The following TSPEAR variants were observed in gnomAD, a reference collection of about 807,000 sequenced individuals.
TSPEAR encodes the protein thrombospondin type laminin G domain and EAR repeats.
In TSPEAR, 69 loss-of-function variants were observed where a neutral mutation model predicts 71.6. The ratio of observed to expected loss-of-function variants is 0.96; its 90% CI spans 0.79 to 1.18. The LOEUF is 1.18. TSPEAR is among the 50% of genes most tolerant of loss of function. The pLI, the probability that TSPEAR is intolerant of heterozygous loss-of-function variation, is 0.00. For synonymous variants in TSPEAR, 402 were observed against 387.2 expected (o/e 1.04, Z -0.45); for missense variants, 971 against 894.9 (o/e 1.09, Z -1.09).
At chr21:44,528,062 AGGCATTGTCTTCCCAT>A (rs1331108933) in intron 6 of TSPEAR, among the ~76,000 whole-genome samples, 1 of 152,160 alleles carries the variant, frequency 6.6e-6, no homozygotes, top group Non-Finnish European at 1.5e-5. Context: ...GCAGGGAGGC[AGGCATTGTCTTCCCAT>A]GGTTTGGGAA....
intron 4 of TSPEAR, 67 bp from the exon 5 acceptor site, chr21:44,530,021 A>G: frequency 2.7e-6 from 4 of 1,457,132 alleles, no homozygotes; most frequent in South Asian, 1.4e-5. Flanking sequence ...GGAGGCGACC[A>G]CTGAGCTTGG....
chr21:44,508,848 C>T (rs1457087533), intron 10 of TSPEAR: 4 of 1,402,650 alleles, frequency 2.9e-6, no homozygotes, highest in South Asian at 2.3e-5. Flanking sequence ...GCACCTCGCA[C>T]CTGTCCCTCT....
chr21:44,605,083 A>G (rs955662778), intron 1 of TSPEAR, among the ~76,000 whole-genome samples: 3 of 152,238 alleles, frequency 2.0e-5, no homozygotes, highest in East Asian at 1.9e-4. Context: ...TCTTCAAACT[A>G]TTAGGACTGA....
chr21:44,499,939 G>A lies in TSPEAR; in HGVS notation c.1857-3C>T. On this transcript the variant is annotated splice_polypyrimidine_tract_variant and splice_region_variant and intron_variant, in intron 11 of 11. Transcript: ENST00000323084. Reference sequence around the variant, plus strand: ...CGAAGCCCTCGTAGCCCTGCCACCTGCGGAACAGACAGCGGCAGCCGGGTC... The same window carrying A: ...CGAAGCCCTCGTAGCCCTGCCACCTACGGAACAGACAGCGGCAGCCGGGTC... 3 of 1,603,240 alleles carry A rather than the reference G, an allele frequency of 1.9e-6. No individual in the cohort carries two copies. Among genetic ancestry groups the A allele is most frequent in the Non-Finnish European group, 2.5e-6 (3 of 1,176,740 alleles).
intron 1 of TSPEAR, chr21:44,697,038 C>A (rs1049554868): frequency 1.9e-5 from 18 of 935,584 alleles, no homozygotes; most frequent in South Asian, 3.5e-5. Context: ...TCACTCACTC[C>A]CTCCCTCCTG....
At chr21:44,578,412 A>G (rs1245211219) in intron 1 of TSPEAR, among the ~76,000 whole-genome samples, 1 of 152,234 alleles carries the variant, frequency 6.6e-6, no homozygotes, top group Admixed American at 6.5e-5. Flanking sequence ...CTTCCCACAG[A>G]GACAATGCCA....
chr21:44,514,867 C>CCTCA (rs1318156531), intron 9 of TSPEAR, among the ~76,000 whole-genome samples: 2 of 152,158 alleles, frequency 1.3e-5, no homozygotes, highest in African/African-American at 4.8e-5. Context: ...GCAGCCAGCT[C>CCTCA]CTCACTCATA....
chr21:44,629,123 C>A (rs1336659447), intron 1 of TSPEAR, among the ~76,000 whole-genome samples: 2 of 152,190 alleles, frequency 1.3e-5, no homozygotes, highest in African/African-American at 4.8e-5. Flanking sequence ...TCCTCACCCA[C>A]ACCCCCCACA....
chr21:44,618,652 G>A (rs1387716243), intron 1 of TSPEAR, among the ~76,000 whole-genome samples: 7 of 152,192 alleles, frequency 4.6e-5, no homozygotes, highest in Non-Finnish European at 8.8e-5. Flanking sequence ...GTGGGGTGCT[G>A]CTGCCAGGGA....
At chr21:44,564,774 C>A (rs1046652827) in intron 2 of TSPEAR, among the ~76,000 whole-genome samples, 11 of 152,200 alleles carry the variant, frequency 7.2e-5, no homozygotes, top group Admixed American at 4.6e-4. Context: ...ATACAATAAA[C>A]CAATAAAGTC....
chr21:44,568,188 GC>G (rs1398830809), intron 1 of TSPEAR, among the ~76,000 whole-genome samples, 183 bp from the exon 2 acceptor site: 2 of 152,184 alleles, frequency 1.3e-5, no homozygotes, highest in Non-Finnish European at 2.9e-5. Context: ...CATGAGGTGT[GC>G]CCGTGTGGCC....
chr21:44,575,375 C>T (rs587606417), intron 1 of TSPEAR: 2 of 277,198 alleles, frequency 7.2e-6, no homozygotes, highest in Non-Finnish European at 1.4e-5. Context: ...GCGCTGACAC[C>T]CAGGTGTGTT....
In TSPEAR at chr21:44,569,036, C is replaced by T. The variant is rs138401446; in HGVS notation, c.83-1031G>A. On this transcript the variant is annotated intron_variant, in intron 1 of 11. Coordinates refer to ENST00000323084, the MANE Select transcript of TSPEAR (RefSeq NM_144991.3). The stretch of plus-strand genomic sequence containing the variant: ...GGCCTTCCTCCCCCGCCTGCCTGCA[C>T]GTGGCAGGGCCCCAGTGAGCAGCTG... Among the ~76,000 whole-genome samples the T allele has an allele frequency of 9.8e-5, 15 of 152,300 alleles. No individual in the cohort carries two copies. The South Asian group carries it at 2.1e-3, about 21-fold the overall frequency.
rs144614856 is a variant in TSPEAR at position 44,704,492 on chromosome 21, C to A, written c.82+6941G>T. Reference sequence around the variant, plus strand: ...GCCTCCAGCTGGCGGGTAAAACCCACGGCCTTCTCAGAACAGGTTTCTCAA... The same window carrying A: ...GCCTCCAGCTGGCGGGTAAAACCCAAGGCCTTCTCAGAACAGGTTTCTCAA... On this transcript the variant is annotated intron_variant, in intron 1 of 11. Coordinates refer to ENST00000323084, the MANE Select transcript of TSPEAR (RefSeq NM_144991.3). 2.9e-3 allele frequency among the ~76,000 whole-genome samples: 444 copies of A among 152,354 alleles called. 5 individuals carry two copies. The Middle Eastern group carries it at 0.031, about 11-fold the overall frequency.
intron 1 of TSPEAR, among the ~76,000 whole-genome samples, chr21:44,616,836 C>T (rs782231221): frequency 2.6e-5 from 4 of 152,252 alleles, no homozygotes; most frequent in Non-Finnish European, 5.9e-5. Flanking sequence ...GCTCCGGTCA[C>T]GCCTGCCCAC....
Position 44,593,826 on chromosome 21 carries a change from G to C in TSPEAR, c.83-25821C>G, listed in dbSNP as rs1020812933. Among the ~76,000 whole-genome samples the C allele has an allele frequency of 6.6e-6, 1 of 152,148 alleles. No individual in the cohort carries two copies. The highest frequency in any genetic ancestry group is 2.1e-4 in the South Asian group (1 of 4,822). On this transcript the variant is annotated intron_variant, in intron 1 of 11. Transcript: ENST00000323084. This position sits in a 1 kb window ranked among gnomAD's most constrained non-coding sequence, Gnocchi z 5.9. ...GTGGCTAAACACGCACTGGCCCCGC[G>C]ATGAGGATGAGCAAGGTTCAAACGA...
intron 1 of TSPEAR, among the ~76,000 whole-genome samples, chr21:44,610,922 C>A (rs1981624534): frequency 6.6e-6 from 1 of 152,216 alleles, no homozygotes; most frequent in Admixed American, 6.5e-5. Context: ...TTTGGACTTG[C>A]ATGGGCCCTG....
intron 2 of TSPEAR, chr21:44,539,514 G>T (rs2053166406): frequency 4.3e-6 from 7 of 1,613,654 alleles, no homozygotes; most frequent in South Asian, 1.1e-5. Context: ...CAGCTAGACT[G>T]CTGGCAGCAT....
At chr21:44,672,633 A>G (rs1555946226) in intron 1 of TSPEAR, among the ~76,000 whole-genome samples, 1 of 152,316 alleles carries the variant, frequency 6.6e-6, no homozygotes. Context: ...TAGTCTAGCA[A>G]GAGATTTAAA....
Sources: gnomAD v4.1 joint callset for allele counts (sites outside exome capture counted in the v4.1 genomes callset) on GRCh38, gnomAD v4.1.1 for gene constraint, Gnocchi (gnomAD v3.1) non-coding constraint, MANE v1.5 for transcripts, NCBI Gene and HGNC (gene_info 2026-07-23, HGNC 2026-07-21) for gene names.